The following ATP10D variants were observed in gnomAD, a reference collection of about 807,000 sequenced individuals.
ATP10D encodes phospholipid-transporting ATPase VD.
Under a neutral mutation model 144.8 loss-of-function variants are expected in ATP10D, and 89 were observed. That is an observed-to-expected ratio of 0.61 (90% confidence interval 0.52 to 0.73). The LOEUF (loss-of-function observed/expected upper bound fraction) is 0.73, where lower values mean the gene tolerates loss of function less well. Among genes scored for constraint, ATP10D ranks in the 30% least tolerant of loss-of-function variants. The pLI is 0.00. For missense variants in ATP10D, 1,603 were observed against 1,714.8 expected (o/e 0.93, Z 1.15); for synonymous variants, 571 against 615.1 (o/e 0.93, Z 1.06).
intron 5 of ATP10D, among the ~76,000 whole-genome samples, chr4:47,533,348 A>G (rs763598069): frequency 7.2e-5 from 11 of 152,210 alleles, no homozygotes; most frequent in African/African-American, 9.6e-5. Context: ...GGCTTTTACC[A>G]TCTCTTCGTA....
intron 11 of ATP10D, chr4:47,556,980 T>A (rs1316792733): frequency 1.3e-5 from 2 of 152,158 alleles, no homozygotes; most frequent in Admixed American, 1.3e-4. Context: ...TAAAAGAAAA[T>A]TCAAAGTAAC....
intron 1 of ATP10D, among the ~76,000 whole-genome samples, chr4:47,499,305 A>G (rs1284358585): frequency 4.6e-5 from 7 of 152,212 alleles, no homozygotes; most frequent in Admixed American, 2.6e-4. Context: ...TGGCAATGGT[A>G]GCCTTTCAGT....
At chr4:47,531,593 T>C (rs1717572965) in intron 5 of ATP10D, among the ~76,000 whole-genome samples, 1 of 152,174 alleles carries the variant, frequency 6.6e-6, no homozygotes, top group African/African-American at 2.4e-5. Context: ...AGTCCTTCCA[T>C]GGAAATTTTA....
chr4:47,584,147 C>G (rs1720667911), intron 21 of ATP10D, among the ~76,000 whole-genome samples: 2 of 152,148 alleles, frequency 1.3e-5, no homozygotes, highest in Non-Finnish European at 2.9e-5. Context: ...GGATGCATGG[C>G]TAGAGATCCT....
rs201934143 is a variant in ATP10D, at chr4:47,535,573, A to G, written c.841A>G (p.Ile281Val). The change falls in exon 6 of 23, where the codon ATT (isoleucine) becomes GTT (valine). Residue 281 changes from isoleucine (I) to valine (V), a missense_variant. Ile to Val is a conservative substitution (Grantham distance 29, BLOSUM62 3). Transcript: ENST00000273859. Reference sequence around the variant, plus strand: ...AAATTTGTTGCTTAGAGGATGCACCATTAGAAACACAGAGGCTGTTGTGGG... The same window carrying G: ...AAATTTGTTGCTTAGAGGATGCACCGTTAGAAACACAGAGGCTGTTGTGGG... The part of the protein sequence containing the change: ...KENLLLRGCT[I>V]RNTEAVVGIV... 8.5e-5 allele frequency: 137 copies of G among 1,613,284 alleles called. No individual in the cohort carries two copies. In the East Asian group the frequency reaches 2.7e-3, roughly 32 times the overall value.
At chr4:47,496,074 A>G (rs551905596) in intron 1 of ATP10D, among the ~76,000 whole-genome samples, 1 of 152,042 alleles carries the variant, frequency 6.6e-6, no homozygotes, top group Admixed American at 6.5e-5. Flanking sequence ...TATTTCCATT[A>G]GAAATAGATT....
chr4:47,508,767 A>ATG (rs987343299), intron 1 of ATP10D, among the ~76,000 whole-genome samples: 2 of 152,148 alleles, frequency 1.3e-5, no homozygotes, highest in Non-Finnish European at 2.9e-5. Flanking sequence ...TTGCTTTTAT[A>ATG]TGTGTGTGTG....
intron 3 of ATP10D, among the ~76,000 whole-genome samples, chr4:47,521,988 G>A (rs553129888): frequency 6.6e-6 from 1 of 152,322 alleles, no homozygotes; most frequent in South Asian, 2.1e-4. Context: ...AAGTATTTGT[G>A]TAAGGTGTGA....
chr4:47,550,990 G>A (rs953526737), intron 10 of ATP10D, among the ~76,000 whole-genome samples: 5 of 152,258 alleles, frequency 3.3e-5, no homozygotes, highest in Admixed American at 1.3e-4. Flanking sequence ...GAGGGTAGCC[G>A]TTGCCGGCTC....
chr4:47,563,843 A>G, intron 15 of ATP10D, 78 bp downstream of exon 15: 1 of 1,300,096 alleles, frequency 7.7e-7, no homozygotes, highest in Admixed American at 2.7e-5. Flanking sequence ...GTATGCAAGG[A>G]TTAAAAAAAA....
At position 47,587,267 on chromosome 4, in the gene ATP10D, G is replaced by A. The variant is rs1720835635; in HGVS notation, c.3941+61G>A. 2.1e-6 allele frequency: 3 copies of A among 1,453,480 alleles called. No individual in the cohort carries two copies. In the Admixed American group the frequency reaches 5.7e-5, roughly 28 times the overall value. The allele number at this position is 1,453,480 out of a possible 1,614,324, so 90.0% of individuals were successfully genotyped here. On this transcript the variant is annotated intron_variant, in intron 22 of 22. Coordinates refer to ENST00000273859, the MANE Select transcript of ATP10D (RefSeq NM_020453.4). Reference sequence around the variant, plus strand: ...GAATCATAGGCTAAGAATCCTTCAAGCAACTACACTACTACGAATGGTTGG... The same window carrying A: ...GAATCATAGGCTAAGAATCCTTCAAACAACTACACTACTACGAATGGTTGG...
In ATP10D at chr4:47,512,753, T is replaced by G; in HGVS notation, c.213T>G (p.Tyr71Ter). 1 of 1,614,222 alleles carries G rather than the reference T, an allele frequency of 6.2e-7. No homozygotes were observed. Residue 71 changes from tyrosine to a stop codon, truncating the protein, a stop_gained, in exon 2 of 23, where the codon TAT becomes TAG. Coordinates refer to ENST00000273859, the MANE Select transcript of ATP10D (RefSeq NM_020453.4). LOFTEE classifies it high-confidence loss of function. The stretch of plus-strand genomic sequence containing the variant: ...AGTATGAGAAGTTCTCCGGAGCCTA[T>G]GTGAACAATCGAATACGAACAACAA... ...KDEYEKFSGA[Y>*]VNNRIRTTKY...
rs1408334862 is a variant in ATP10D at position 47,572,250 on chromosome 4, C to T, written c.3240+20C>T. Reference sequence around the variant, plus strand: ...ATGCAGGTGAGTGGATATTGTGCACCCAAGTTCTGTGGCCTTGACCTGCCC... The same window carrying T: ...ATGCAGGTGAGTGGATATTGTGCACTCAAGTTCTGTGGCCTTGACCTGCCC... On this transcript the variant is annotated intron_variant, in intron 17 of 22. Coordinates refer to ENST00000273859, the MANE Select transcript of ATP10D (RefSeq NM_020453.4). 6.2e-7 allele frequency: 1 copy of T among 1,610,526 alleles called. No homozygotes were observed. The highest frequency in any genetic ancestry group is 8.5e-7 in the Non-Finnish European group (1 of 1,176,964).
intron 1 of ATP10D, among the ~76,000 whole-genome samples, chr4:47,508,353 A>C (rs1716133056): frequency 6.6e-6 from 1 of 152,200 alleles, no homozygotes; most frequent in Non-Finnish European, 1.5e-5. Context: ...AAAGCTTTGG[A>C]CCTAAGCCCA....
intron 4 of ATP10D, 50 bp downstream of exon 4, chr4:47,523,266 G>C (rs1201752278): frequency 7.0e-7 from 1 of 1,425,896 alleles, no homozygotes; most frequent in Non-Finnish European, 9.9e-7. Context: ...TTTTTCAGAA[G>C]ATGACTGAGC....
chr4:47,491,459 C>T (rs1220359322), intron 1 of ATP10D: 5 of 696,982 alleles, frequency 7.2e-6, no homozygotes, highest in Non-Finnish European at 1.3e-5. Flanking sequence ...TTGTGTTTGT[C>T]ATTTTGGCGA....
chr4:47,570,521 A>G (rs1719895673), intron 16 of ATP10D, among the ~76,000 whole-genome samples: 2 of 152,170 alleles, frequency 1.3e-5, no homozygotes, highest in South Asian at 4.1e-4. Flanking sequence ...AGTGGGTATC[A>G]GGCCAGGTAC....
At position 47,515,615 on chromosome 4, in the gene ATP10D, C is replaced by T. The variant is rs748191553; in HGVS notation, c.430C>T (p.Arg144Trp). ...IAIKDGLEDY[R>W]KYKIDKQINN... is the part of the protein sequence containing the mutation. ...AATTAAAGATGGCCTGGAAGATTAT[C>T]GGAAATACAAAATTGACAAACAGAT... The change falls in exon 3 of 23, where the codon CGG (arginine) becomes TGG (tryptophan). Residue 144 changes from arginine to tryptophan, a missense_variant. Transcript: ENST00000273859. 23 of 1,611,978 alleles carry T rather than the reference C, an allele frequency of 1.4e-5. No individual in the cohort carries two copies. Among genetic ancestry groups the T allele is most frequent in the African/African-American group, 4.0e-5 (3 of 74,790 alleles).
At chr4:47,501,572 T>C (rs979395564) in intron 1 of ATP10D, among the ~76,000 whole-genome samples, 2 of 152,216 alleles carry the variant, frequency 1.3e-5, no homozygotes, top group Non-Finnish European at 2.9e-5. Context: ...TTCTGCCAGC[T>C]CTTATTCAAG....
Sources: gnomAD v4.1 joint callset for allele counts (sites outside exome capture counted in the v4.1 genomes callset) on GRCh38, gnomAD v4.1.1 for gene constraint, MANE v1.5 for transcripts, NCBI Gene and HGNC (gene_info 2026-07-23, HGNC 2026-07-21) for gene names.